Variants in ICA1 observed in about 807,000 individuals in gnomAD.
ICA1 encodes 69 kDa islet cell autoantigen.
In ICA1, 40 loss-of-function variants were observed where a neutral mutation model predicts 71.0. The ratio of observed to expected loss-of-function variants is 0.56; its 90% confidence interval spans 0.44 to 0.73. The LOEUF (loss-of-function observed/expected upper bound fraction) is 0.73. ICA1 is among the 30% of genes least tolerant of loss of function. The pLI, the probability that ICA1 is intolerant of heterozygous loss-of-function variation, is 0.00. For synonymous variants in ICA1, 207 were observed against 209.5 expected, an observed-to-expected ratio of 0.99 and a Z score of 0.10; for missense variants, 578 against 576.5, an observed-to-expected ratio of 1.00 and a Z score of -0.03.
At chr7:8,124,237 C>T (rs956997135) in intron 13 of ICA1, among the ~76,000 whole-genome samples, 6 of 150,998 alleles carry the variant, frequency 4.0e-5, no homozygotes, top group African/African-American at 1.5e-4. Flanking sequence ...TCTCCTGCCT[C>T]AGCCTCCCAA....
intron 6 of ICA1, among the ~76,000 whole-genome samples, chr7:8,190,607 C>G (rs541572027): frequency 6.6e-6 from 1 of 152,212 alleles, no homozygotes; most frequent in African/African-American, 2.4e-5. Context: ...CTTAGAAAAC[C>G]CTACAGAGGC....
chr7:8,221,167 T>G, intron 5 of ICA1, 108 bp downstream of exon 5: 1 of 1,395,074 alleles, frequency 7.2e-7, no homozygotes, highest in South Asian at 1.2e-5. Context: ...CTCCTCAGCC[T>G]CAGGCAAAAT....
chr7:8,209,009 T>C (rs1355014847), intron 6 of ICA1, among the ~76,000 whole-genome samples: 1 of 152,218 alleles, frequency 6.6e-6, no homozygotes, highest in African/African-American at 2.4e-5. Context: ...ACTGTTGTCA[T>C]CCATGAAATT....
At position 8,113,646 on chromosome 7, in the gene ICA1, C is replaced by T. The variant is rs1420672353; in HGVS notation, c.*277G>A. 2.5e-5 allele frequency: 7 copies of T among 280,094 alleles called. No individual in the cohort carries two copies. The highest frequency in any genetic ancestry group is 6.5e-5 in the African/African-American group (3 of 45,968). 17.4% of individuals were successfully genotyped at this position (280,094 alleles called of 1,614,324 possible). On this transcript the variant is annotated 3_prime_UTR_variant, in exon 14 of 14. Transcript: ENST00000402384. The surrounding 1 kb of genome is among the most constrained non-coding windows in gnomAD (Gnocchi z 4.2). ...GGATCTCACGGTAGCCCAGTGACAC[C>T]GCAGCAGCCATGATGGGATGTAGGC...
At chr7:8,218,710 T>G in intron 5 of ICA1, 1 of 585,306 alleles carries the variant, frequency 1.7e-6, no homozygotes, top group Non-Finnish European at 3.1e-6. Context: ...ACCCATCCCT[T>G]AGTTTACTGC....
chr7:8,209,441 T>A (rs1792830163), intron 6 of ICA1, among the ~76,000 whole-genome samples: 1 of 152,204 alleles, frequency 6.6e-6, no homozygotes, highest in Non-Finnish European at 1.5e-5. Flanking sequence ...ATCAAATGAC[T>A]CCTCGCTTGC....
chr7:8,151,616 AT>A (rs374147801), intron 8 of ICA1, among the ~76,000 whole-genome samples: 397 of 152,310 alleles, frequency 2.6e-3, no homozygotes, highest in Non-Finnish European at 4.7e-3. Flanking sequence ...TTGCAGGGAT[AT>A]TTACCCAATT....
At chr7:8,155,669 T>A (rs192900965) in intron 8 of ICA1, among the ~76,000 whole-genome samples, 1 of 152,186 alleles carries the variant, frequency 6.6e-6, no homozygotes, top group Non-Finnish European at 1.5e-5. Flanking sequence ...CCGATGCACA[T>A]GCATGCCCTA....
In ICA1 at chr7:8,143,957, T is replaced by C. The variant is rs1234731853; in HGVS notation, c.820A>G (p.Met274Val). The change falls in exon 9 of 14, where the codon ATG becomes GTG. Residue 274 changes from methionine to valine, a missense_variant. Coordinates refer to ENST00000402384, the MANE Select transcript of ICA1 (RefSeq NM_001136020.3). ...FTTLKSLQDPMKKLVEKEEKK... is the reference protein window; with the variant it reads ...FTTLKSLQDPVKKLVEKEEKK... ...TCTTCTTTCTCAACTAATTTTTTCATAGGGTCTTGTAAGCTCTTGATCACG... is the reference window on the plus strand; with the variant it reads ...TCTTCTTTCTCAACTAATTTTTTCACAGGGTCTTGTAAGCTCTTGATCACG... 8 of 1,591,950 alleles carry C rather than the reference T, an allele frequency of 5.0e-6. No individual in the cohort carries two copies. The highest frequency in any genetic ancestry group is 6.9e-6 in the Non-Finnish European group (8 of 1,160,984).
chr7:8,156,986 G>A (rs889242843), intron 8 of ICA1, 130 bp downstream of exon 8: 6 of 1,580,416 alleles, frequency 3.8e-6, no homozygotes, highest in South Asian at 1.1e-5. Context: ...AGACTCTGCT[G>A]GGGGCACAGT....
intron 9 of ICA1, among the ~76,000 whole-genome samples, chr7:8,142,706 G>T (rs961814618): frequency 1.3e-5 from 2 of 152,178 alleles, no homozygotes; most frequent in Non-Finnish European, 2.9e-5. Context: ...GTCACTGAAG[G>T]TTGTCATGAG....
intron 2 of ICA1, among the ~76,000 whole-genome samples, 186 bp downstream of exon 2, chr7:8,235,724 A>G (rs998119911): frequency 8.5e-5 from 13 of 152,214 alleles, no homozygotes; most frequent in Non-Finnish European, 1.5e-4. Flanking sequence ...AGAATTTACA[A>G]TATTTTTGTT....
intron 2 of ICA1, 97 bp from the exon 3 acceptor site, chr7:8,232,852 C>T: frequency 2.0e-6 from 2 of 1,019,484 alleles, no homozygotes; most frequent in Non-Finnish European, 2.7e-6. Context: ...TTCCATTATG[C>T]ATTTACATTT....
intron 6 of ICA1, among the ~76,000 whole-genome samples, chr7:8,174,375 T>G (rs1779817602): frequency 6.6e-6 from 1 of 152,150 alleles, no homozygotes; most frequent in Non-Finnish European, 1.5e-5. Context: ...AAAACTCATT[T>G]ATATATACAT....
intron 6 of ICA1, among the ~76,000 whole-genome samples, chr7:8,167,573 C>T (rs1040872576): frequency 6.6e-6 from 1 of 152,122 alleles, no homozygotes; most frequent in Non-Finnish European, 1.5e-5. Flanking sequence ...ACCAAACCCC[C>T]CGGCATGTAA....
intron 6 of ICA1, among the ~76,000 whole-genome samples, chr7:8,159,597 G>C (rs574880455): frequency 3.4e-4 from 52 of 152,258 alleles, no homozygotes; most frequent in Non-Finnish European, 5.7e-4. Context: ...CTACTGGGGA[G>C]GCTAAGGTGG....
intron 6 of ICA1, among the ~76,000 whole-genome samples, chr7:8,198,919 G>C (rs1269457757): frequency 6.6e-6 from 1 of 152,158 alleles, no homozygotes; most frequent in African/African-American, 2.4e-5. Context: ...CTAATAATCT[G>C]ATATAAAAGT....
chr7:8,196,180 G>T (rs919969761), intron 6 of ICA1, among the ~76,000 whole-genome samples: 5 of 152,132 alleles, frequency 3.3e-5, no homozygotes. Context: ...AGTACTAAAA[G>T]GAAATAAGCT....
chr7:8,218,659 T>C (rs1796129253), intron 5 of ICA1, 156 bp from the exon 6 acceptor site: 1 of 654,334 alleles, frequency 1.5e-6, no homozygotes, highest in Non-Finnish European at 2.7e-6. Context: ...GAAATGCATG[T>C]AGTTCCAACT....
Sources: gnomAD v4.1 joint callset for allele counts (sites outside exome capture counted in the v4.1 genomes callset) on GRCh38, gnomAD v4.1.1 for gene constraint, Gnocchi (gnomAD v3.1) non-coding constraint, MANE v1.5 for transcripts, NCBI Gene and HGNC (gene_info 2026-07-23, HGNC 2026-07-21) for gene names.